The following TMEM272 variants were observed in gnomAD, a reference collection of about 807,000 sequenced individuals.
TMEM272 encodes the protein long intergenic non-protein coding RNA 282.
In TMEM272, 8 loss-of-function variants were observed where a neutral mutation model predicts 3.7. The ratio of observed to expected loss-of-function variants is 2.17; its 90% confidence interval spans 1.27 to 3.91. TMEM272 has a LOEUF of 3.91. TMEM272 is among the 30% of genes most tolerant of loss of function. TMEM272 has a pLI of 0.00. For missense variants in TMEM272, 166 were observed against 91.5 expected, an observed-to-expected ratio of 1.81 and a Z score of -3.32; for synonymous variants, 63 against 39.8, an observed-to-expected ratio of 1.58 and a Z score of -2.20.
chr13:51,817,902 C>T lies in TMEM272; in HGVS notation c.202-789G>A, dbSNP rs552170535. On this transcript the variant is annotated intron_variant, in intron 4 of 4. Coordinates refer to ENST00000629372, the MANE Select transcript of TMEM272 (RefSeq NM_001351003.2). The stretch of plus-strand genomic sequence containing the variant: ...GTTACACAAAGCACCACGACCCACC[C>T]GACTCTAACTGGCCACAAATGCCTT... Among the ~76,000 whole-genome samples the T allele has an allele frequency of 5.3e-5, 8 of 152,290 alleles. No individual in the cohort carries two copies. The East Asian group carries it at 5.8e-4, about 11-fold the overall frequency.
At chr13:51,909,077 T>G in the TMEM272 span, 5 of 1,475,494 alleles carry the variant, frequency 3.4e-6, no homozygotes, top group Non-Finnish European at 4.7e-6. Flanking sequence ...AGGGACCATA[T>G]GAGGAATGCT....
chr13:51,864,918 T>C, the TMEM272 span, among the ~76,000 whole-genome samples: 2 of 152,212 alleles, frequency 1.3e-5, no homozygotes, highest in Non-Finnish European at 2.9e-5. Context: ...GTCTTCTGTG[T>C]CCCAGGCTCG....
the TMEM272 span, among the ~76,000 whole-genome samples, chr13:51,898,809 AAAATGACTGTGC>A: frequency 6.6e-6 from 1 of 151,914 alleles, no homozygotes; most frequent in Non-Finnish European, 1.5e-5. Flanking sequence ...AAAGGTAATA[AAAATGACTGTGC>A]CACCGGCAAC....
chr13:51,829,010 T>G (rs1369866009), intron 2 of TMEM272, among the ~76,000 whole-genome samples: 1 of 152,202 alleles, frequency 6.6e-6, no homozygotes, highest in Non-Finnish European at 1.5e-5. Context: ...CTCTCACAAC[T>G]TCCTCACCTA....
the TMEM272 span, among the ~76,000 whole-genome samples, chr13:51,912,218 C>T: frequency 3.3e-5 from 5 of 152,126 alleles, no homozygotes; most frequent in African/African-American, 7.2e-5. Flanking sequence ...TTTTCCAGTC[C>T]CGAGCACAGT....
At chr13:51,870,397 G>A in the TMEM272 span, among the ~76,000 whole-genome samples, 30 of 150,304 alleles carry the variant, frequency 2.0e-4, no homozygotes, top group African/African-American at 1.2e-4. Context: ...TATGAGAGGA[G>A]GAAAAAAGAA....
At chr13:51,913,808 C>T in the TMEM272 span, among the ~76,000 whole-genome samples, 5 of 152,218 alleles carry the variant, frequency 3.3e-5, no homozygotes, top group African/African-American at 1.2e-4. Flanking sequence ...TACTGCTACA[C>T]ATGCTCTAAA....
At chr13:51,887,772 T>G in the TMEM272 span, among the ~76,000 whole-genome samples, 1 of 152,168 alleles carries the variant, frequency 6.6e-6, no homozygotes, top group Non-Finnish European at 1.5e-5. Flanking sequence ...TTCTCAATCC[T>G]TCACTTCCTT....
chr13:51,908,383 T>C, the TMEM272 span: 210 of 1,499,500 alleles, frequency 1.4e-4, 2 homozygotes, highest in East Asian at 4.6e-3. Context: ...ACATTTCTCA[T>C]TGCAAATGGA....
At chr13:51,817,221 GGAGA>G (rs989734609) in intron 4 of TMEM272, 108 bp from the exon 5 acceptor site, 18 of 604,722 alleles carry the variant, frequency 3.0e-5, no homozygotes, top group African/African-American at 3.7e-5. Context: ...GAGAGAAAGA[GGAGA>G]GAGAGGAAGG....
At chr13:51,835,116 G>A (rs765969852) in intron 2 of TMEM272, among the ~76,000 whole-genome samples, 11 of 152,244 alleles carry the variant, frequency 7.2e-5, no homozygotes, top group Admixed American at 3.9e-4. Context: ...CTCTGAGGCC[G>A]CCACCACTTA....
chr13:51,817,632 A>G, intron 4 of TMEM272, among the ~76,000 whole-genome samples: 1 of 134,654 alleles, frequency 7.4e-6, no homozygotes, highest in Non-Finnish European at 1.6e-5. Context: ...TTTCCTCCCC[A>G]CCCCAGCCCC....
At chr13:51,901,875 T>C in the TMEM272 span, among the ~76,000 whole-genome samples, 2 of 152,188 alleles carry the variant, frequency 1.3e-5, no homozygotes, top group African/African-American at 4.8e-5. Context: ...TCCAAATTTG[T>C]GCAGAAAATC....
At chr13:51,859,737 C>G in the TMEM272 span, among the ~76,000 whole-genome samples, 1 of 152,056 alleles carries the variant, frequency 6.6e-6, no homozygotes, top group South Asian at 2.1e-4. Flanking sequence ...ATGCCACCAA[C>G]AAAACTTGGG....
the TMEM272 span, among the ~76,000 whole-genome samples, chr13:51,929,791 AT>A: frequency 3.9e-5 from 6 of 152,268 alleles, no homozygotes; most frequent in Admixed American, 6.5e-5. Flanking sequence ...TGGGACAGTT[AT>A]GCAAATAGCT....
the TMEM272 span, among the ~76,000 whole-genome samples, chr13:51,892,679 A>C: frequency 1.3e-5 from 2 of 151,828 alleles, no homozygotes; most frequent in Admixed American, 6.6e-5. Context: ...CTTGGCTTCC[A>C]TTTCCCATTC....
At chr13:51,927,206 A>G in the TMEM272 span, among the ~76,000 whole-genome samples, 4 of 152,200 alleles carry the variant, frequency 2.6e-5, no homozygotes, top group Non-Finnish European at 4.4e-5. Flanking sequence ...AAACACCCAT[A>G]TTCCTCCAAA....
the TMEM272 span, among the ~76,000 whole-genome samples, chr13:51,887,337 A>AC: frequency 1.3e-5 from 2 of 152,212 alleles, no homozygotes; most frequent in African/African-American, 4.8e-5. Context: ...TTCCATTCTT[A>AC]GACATCCTTA....
At chr13:51,860,866 T>G in the TMEM272 span, among the ~76,000 whole-genome samples, 2 of 150,900 alleles carry the variant, frequency 1.3e-5, no homozygotes, top group Non-Finnish European at 1.5e-5. Context: ...GAAAAGCACA[T>G]ATATCCTTTT....
Sources: allele counts gnomAD v4.1 joint callset (sites outside exome capture counted in the v4.1 genomes callset), GRCh38; gene constraint gnomAD v4.1.1; transcripts MANE v1.5; gene names NCBI Gene and HGNC (gene_info 2026-07-23, HGNC 2026-07-21).